Variants in IQCH observed in about 807,000 individuals in gnomAD.
The protein encoded by IQCH is IQ motif containing H, also known as IQ domain-containing protein H.
In IQCH, 98 loss-of-function variants were observed where a neutral mutation model predicts 117.0. The observed-to-expected ratio is 0.84, with a 90% CI of 0.71 to 0.99. The LOEUF is 0.99. Ranked by LOEUF, IQCH falls within the 50% of genes least tolerant of loss-of-function variation. The pLI is 0.00. For missense variants in IQCH, 1,102 were observed against 1,243.8 expected (o/e 0.89, Z 1.72); for synonymous variants, 412 against 448.2 (o/e 0.92, Z 1.02).
chr15:67,285,822 T>C (rs1966541468), intron 4 of IQCH, among the ~76,000 whole-genome samples: 1 of 152,162 alleles, frequency 6.6e-6, no homozygotes, highest in Non-Finnish European at 1.5e-5. Flanking sequence ...AGTACCATGC[T>C]GTTTTGGTTA....
In IQCH at chr15:67,421,605, G is replaced by A. The variant is rs1377275875; in HGVS notation, c.2505+28G>A. 13 of 1,611,322 alleles carry A rather than the reference G, an allele frequency of 8.1e-6. No individual in the cohort carries two copies. In the African/African-American group the frequency reaches 1.7e-4, roughly 22 times the overall value. ...AAGTTGAATGGATGCCATACGAAAT[G>A]CTAAAATATGTAATGACTCCGCACC... On this transcript the variant is annotated intron_variant, in intron 16 of 20. Transcript: ENST00000335894.
chr15:67,388,895 C>CA lies in IQCH; in HGVS notation c.1528dup (p.Ile510AsnfsTer14), dbSNP rs776357245. On this transcript the variant is annotated frameshift_variant, in exon 12 of 21. Transcript: ENST00000335894. LOFTEE classifies it high-confidence loss of function. The surrounding 1 kb of genome is among the most constrained non-coding windows in gnomAD (Gnocchi z 5.5). ...TGAATGACGAGTTAGTGCTGTATTA[C>CA]AAAAAAATCCTAAGTCTACATGCAG... 1.9e-6 allele frequency: 3 copies of CA among 1,613,700 alleles called. No homozygotes were observed. The highest frequency in any genetic ancestry group is 2.2e-5 in the East Asian group (1 of 44,852).
intron 17 of IQCH, among the ~76,000 whole-genome samples, chr15:67,468,050 A>G (rs940327678): frequency 6.6e-6 from 1 of 152,202 alleles, no homozygotes; most frequent in African/African-American, 2.4e-5. Flanking sequence ...GGTGTAAACA[A>G]GGCCTGATAA....
At chr15:67,340,434 A>AC (rs1969103220) in intron 5 of IQCH, among the ~76,000 whole-genome samples, 2 of 35,524 alleles carry the variant, frequency 5.6e-5, no homozygotes, top group Admixed American at 3.7e-4. Context: ...CTCAAAAAAA[A>AC]AAAAAAAAAA....
In IQCH at chr15:67,369,445, A is replaced by G. The variant is rs2140779197; in HGVS notation, c.754-2666A>G. ...GTCAAGTCAGTAATATCATATTGGG[A>G]GTACAGCACATCTTAAAAAAGGAGG... is the stretch of plus-strand genomic sequence containing the variant. On this transcript the variant is annotated intron_variant, in intron 8 of 20. Coordinates refer to ENST00000335894, the MANE Select transcript of IQCH (RefSeq NM_001031715.3). The surrounding 1 kb of genome is among the most constrained non-coding windows in gnomAD (Gnocchi z 5.2). Among the ~76,000 whole-genome samples, 1 of 151,902 alleles carries G rather than the reference A, an allele frequency of 6.6e-6. No individual in the cohort carries two copies. Among genetic ancestry groups the G allele is most frequent in the South Asian group, 2.1e-4 (1 of 4,786 alleles).
chr15:67,410,630 G>A (rs2081425623), intron 14 of IQCH, among the ~76,000 whole-genome samples: 1 of 152,200 alleles, frequency 6.6e-6, no homozygotes, highest in African/African-American at 2.4e-5. Context: ...TTGCTCATCA[G>A]GGCCAATCCT....
chr15:67,281,695 C>G, intron 4 of IQCH: 1 of 454,234 alleles, frequency 2.2e-6, no homozygotes, highest in Non-Finnish European at 4.4e-6. Context: ...GCAAAATTTC[C>G]CCACAAAAGA....
Position 67,254,842 on chromosome 15 carries a change from G to C in IQCH, c.-55G>C, listed in dbSNP as rs563959836. 1.6e-4 allele frequency: 259 copies of C among 1,575,964 alleles called. 1 individual carries two copies. In the South Asian group the frequency reaches 2.8e-3, roughly 17 times the overall value. The stretch of plus-strand genomic sequence containing the variant: ...TGGGGACGAGCGGCTCCGGCTGAAG[G>C]TTTCCGTGCTTGGAAACCGCGCCTC... On this transcript the variant is annotated 5_prime_UTR_variant, in exon 1 of 21. Coordinates refer to ENST00000335894, the MANE Select transcript of IQCH (RefSeq NM_001031715.3).
intron 16 of IQCH, among the ~76,000 whole-genome samples, chr15:67,441,520 T>C (rs977514391): frequency 1.3e-5 from 2 of 152,162 alleles, no homozygotes; most frequent in African/African-American, 2.4e-5. Context: ...AACAGCATGG[T>C]ACTGGTATAA....
At chr15:67,262,139 A>G (rs953422947) in intron 2 of IQCH, among the ~76,000 whole-genome samples, 1 of 152,184 alleles carries the variant, frequency 6.6e-6, no homozygotes, top group Non-Finnish European at 1.5e-5. Flanking sequence ...CTAATAGCCT[A>G]AATATTTTGA....
chr15:67,307,544 G>T (rs1413020435), intron 4 of IQCH, among the ~76,000 whole-genome samples: 3 of 151,996 alleles, frequency 2.0e-5, no homozygotes, highest in African/African-American at 7.2e-5. Flanking sequence ...AAAGAAGGGC[G>T]ATTTCAAAAC....
chr15:67,483,836 TG>T (rs2083402664), intron 18 of IQCH, among the ~76,000 whole-genome samples: 1 of 152,156 alleles, frequency 6.6e-6, no homozygotes. Context: ...GACTCATACC[TG>T]GTGGAATGAA....
rs540065934 is a variant in IQCH at position 67,474,978 on chromosome 15, A to G, written c.2677-718A>G. ...ATCAGACAAACTGAAATTGAGAGAG[A>G]TTTCACAAAATGCTTGCCCATTACT... On this transcript the variant is annotated intron_variant, in intron 17 of 20. Coordinates refer to ENST00000335894, the MANE Select transcript of IQCH (RefSeq NM_001031715.3). The surrounding 1 kb of genome is among the most constrained non-coding windows in gnomAD (Gnocchi z 4.1). Among the ~76,000 whole-genome samples the G allele has an allele frequency of 2.6e-5, 4 of 152,278 alleles. No homozygotes were observed. In the South Asian group the frequency reaches 8.3e-4, roughly 32 times the overall value.
chr15:67,446,031 T>C (rs188341898), intron 16 of IQCH, among the ~76,000 whole-genome samples: 7 of 152,230 alleles, frequency 4.6e-5, no homozygotes, highest in African/African-American at 9.6e-5. Flanking sequence ...CGAAGTCAAA[T>C]AGAAGTGTGC....
At chr15:67,409,253 A>G (rs1362952229) in intron 14 of IQCH, among the ~76,000 whole-genome samples, 2 of 152,124 alleles carry the variant, frequency 1.3e-5, no homozygotes, top group Non-Finnish European at 2.9e-5. Flanking sequence ...GCCTTTGTGT[A>G]TGTGCAAATT....
chr15:67,475,754 C>T lies in IQCH; in HGVS notation c.2735C>T (p.Ser912Leu). Residue 912 changes from serine to leucine, a missense_variant, in exon 18 of 21, where the codon TCA becomes TTA. Around this residue, in one of 2 missense-constraint regions of IQCH, gnomAD observed 650 missense variants for 794.3 expected, o/e 0.82. Transcript: ENST00000335894. This position sits in a 1 kb window ranked among gnomAD's most constrained non-coding sequence, Gnocchi z 5.7. ...MTTQLRHSNLSLVFHYVFLQI... is the reference protein window; with the variant it reads ...MTTQLRHSNLLLVFHYVFLQI... ...ACCCAGCTAAGACACAGCAATCTCT[C>T]ACTGGTTTTCCACTATGTTTTTCTC... The T allele has an allele frequency of 1.2e-6, 2 of 1,614,164 alleles. No homozygotes were observed. The highest frequency in any genetic ancestry group is 1.7e-6 in the Non-Finnish European group (2 of 1,179,976).
chr15:67,283,426 A>G (rs1441163488), intron 4 of IQCH, among the ~76,000 whole-genome samples: 2 of 152,190 alleles, frequency 1.3e-5, no homozygotes, highest in African/African-American at 2.4e-5. Context: ...CACAAATGCT[A>G]TATATGAAGT....
chr15:67,274,096 C>G (rs1212614626), intron 3 of IQCH, among the ~76,000 whole-genome samples: 1 of 152,172 alleles, frequency 6.6e-6, no homozygotes. Context: ...TCAGGATCTT[C>G]TCTTTGTCCT....
intron 4 of IQCH, among the ~76,000 whole-genome samples, chr15:67,321,488 TTTTC>T (rs1453889974): frequency 1.9e-4 from 28 of 147,004 alleles, no homozygotes; most frequent in African/African-American, 6.9e-4. Context: ...CTTTCTTTCT[TTTTC>T]TTTCTTTTTT....
Sources: gnomAD v4.1 joint callset for allele counts (sites outside exome capture counted in the v4.1 genomes callset) on GRCh38, gnomAD v4.1.1 for gene constraint, gnomAD v4.1.1 regional missense constraint, Gnocchi (gnomAD v3.1) non-coding constraint, MANE v1.5 for transcripts, NCBI Gene and HGNC (gene_info 2026-07-23, HGNC 2026-07-21) for gene names.